The following SMAD2 variants were observed in gnomAD, a reference collection of about 807,000 sequenced individuals.
The protein encoded by SMAD2 is MAD homolog 2.
In SMAD2, 8 loss-of-function variants were observed where a neutral mutation model predicts 64.4. The ratio of observed to expected loss-of-function variants is 0.12; its 90% CI spans 0.07 to 0.22. SMAD2 has a LOEUF of 0.22. SMAD2 is among the 10% of genes least tolerant of loss of function. The pLI, the probability that SMAD2 is intolerant of heterozygous loss-of-function variation, is 1.00. For synonymous variants in SMAD2, 203 were observed against 195.8 expected (o/e 1.04, Z -0.31); for missense variants, 289 against 561.2 (o/e 0.51, Z 4.90).
chr18:47,843,925 A>G (rs1914221952), intron 10 of SMAD2, among the ~76,000 whole-genome samples: 1 of 151,926 alleles, frequency 6.6e-6, no homozygotes. Flanking sequence ...CTTCCACTAA[A>G]TTCCTACCAT....
At chr18:47,904,361 C>T (rs894614361) in intron 1 of SMAD2, among the ~76,000 whole-genome samples, 2 of 151,602 alleles carry the variant, frequency 1.3e-5, no homozygotes, top group Non-Finnish European at 1.5e-5. Context: ...ACATGTGCTG[C>T]TGAGTTGGGG....
At position 47,847,700 on chromosome 18, in the gene SMAD2, CAAAA is replaced by C. The variant is rs58794971; in HGVS notation, c.997+771_997+774del. On this transcript the variant is annotated intron_variant, in intron 8 of 10. Transcript: ENST00000262160. The stretch of plus-strand genomic sequence containing the variant: ...ATGAAAAACAACTATATTTCCAAAG[CAAAA>C]AAAAAAAAAAAAAAAAATAGAGTGG... Among the ~76,000 whole-genome samples, 813 of 111,814 alleles carry C rather than the reference CAAAA, an allele frequency of 7.3e-3. 3 individuals carry two copies. The highest frequency in any genetic ancestry group is 0.028 in the African/African-American group (753 of 27,006). 73.4% of individuals were successfully genotyped at this position (111,814 alleles called of 152,430 possible). A position where few individuals can be genotyped will look rare whatever the true frequency, so the allele number is the denominator to read the frequency against.
At position 47,841,542 on chromosome 18, in the gene SMAD2, T is replaced by C. The variant is rs1305654539; in HGVS notation, c.*285A>G. The C allele has an allele frequency of 2.1e-6, 1 of 482,202 alleles. No homozygotes were observed. Among genetic ancestry groups the C allele is most frequent in the African/African-American group, 1.9e-5 (1 of 51,822 alleles). The allele number at this position is 482,202 out of a possible 1,614,324, so 29.9% of individuals were successfully genotyped here. On this transcript the variant is annotated 3_prime_UTR_variant, in exon 11 of 11. Transcript: ENST00000262160. The stretch of plus-strand genomic sequence containing the variant: ...CCTGTACACATAACTACTACTGTTA[T>C]TAATAAACCTTTGGGACACTCAGTT...
intron 1 of SMAD2, among the ~76,000 whole-genome samples, chr18:47,902,250 G>A (rs1362354717): frequency 6.6e-6 from 1 of 152,086 alleles, no homozygotes; most frequent in Non-Finnish European, 1.5e-5. Context: ...CCCCCAGGGT[G>A]CAAAATTTTG....
At chr18:47,873,990 C>T (rs1598812326) in intron 2 of SMAD2, among the ~76,000 whole-genome samples, 1 of 135,368 alleles carries the variant, frequency 7.4e-6, no homozygotes, top group African/African-American at 3.6e-5. Flanking sequence ...AAAACATCAA[C>T]AATGTGACTG....
rs930886336 is a variant in SMAD2, at chr18:47,819,060, C to A, written c.*22767G>T. 1.3e-5 allele frequency: 2 copies of A among 152,172 alleles called. No individual in the cohort carries two copies. Among genetic ancestry groups the A allele is most frequent in the Admixed American group, 6.5e-5 (1 of 15,282 alleles). The allele number at this position is 152,172 out of a possible 1,614,324, so 9.4% of individuals were successfully genotyped here. ...TAAAATCTGGCAGTTGGCCACAAAT[C>A]CCTTAAGGAATTCTATTCATCAAAT... On this transcript the variant is annotated 3_prime_UTR_variant, in exon 11 of 11. Transcript: ENST00000262160.
Position 47,826,634 on chromosome 18 carries a change from TCA to T in SMAD2, c.*15191_*15192del, listed in dbSNP as rs1912765705. ...CTGCTCCAGAGACATCTAGCCGAAA[TCA>T]CTTATCTAATTCATAAACTGTTTAT... On this transcript the variant is annotated 3_prime_UTR_variant, in exon 11 of 11. Coordinates refer to ENST00000262160, the MANE Select transcript of SMAD2 (RefSeq NM_005901.6). The T allele has an allele frequency of 6.6e-6, 1 of 152,218 alleles. No individual in the cohort carries two copies. The highest frequency in any genetic ancestry group is 1.9e-4 in the East Asian group (1 of 5,194). The allele number at this position is 152,218 out of a possible 1,614,324, so 9.4% of individuals were successfully genotyped here. A position where few individuals can be genotyped will look rare whatever the true frequency, so the allele number is the denominator to read the frequency against.
At chr18:47,924,322 T>C (rs966550449) in intron 1 of SMAD2, among the ~76,000 whole-genome samples, 4 of 151,474 alleles carry the variant, frequency 2.6e-5, no homozygotes, top group Admixed American at 6.6e-5. Flanking sequence ...ACAGATAAAG[T>C]ATCTCTAGTC....
rs1912694065 is a variant in SMAD2 at position 47,824,892 on chromosome 18, A to G, written c.*16935T>C. On this transcript the variant is annotated 3_prime_UTR_variant, in exon 11 of 11. Transcript: ENST00000262160. ...TGCTGACTGGCTTACTGCATTTTAG[A>G]TTTTCCTTATGATTTTAGTAGCTTT... The G allele has an allele frequency of 6.6e-6, 1 of 152,128 alleles. No homozygotes were observed. The highest frequency in any genetic ancestry group is 1.5e-5 in the Non-Finnish European group (1 of 68,026). The allele number at this position is 152,128 out of a possible 1,614,324, so 9.4% of individuals were successfully genotyped here. A position where few individuals can be genotyped will look rare whatever the true frequency, so the allele number is the denominator to read the frequency against.
intron 1 of SMAD2, among the ~76,000 whole-genome samples, chr18:47,899,610 T>C (rs1042557559): frequency 2.6e-5 from 4 of 152,138 alleles, no homozygotes; most frequent in African/African-American, 9.7e-5. Context: ...GTGTTGCACA[T>C]AACAATCTGA....
At chr18:47,850,965 T>C (rs1169308280) in intron 7 of SMAD2, among the ~76,000 whole-genome samples, 2 of 142,200 alleles carry the variant, frequency 1.4e-5, no homozygotes, top group East Asian at 4.0e-4. Context: ...ATTAATTACA[T>C]CATAAAATAA....
intron 1 of SMAD2, among the ~76,000 whole-genome samples, chr18:47,909,444 G>A (rs2034033260): frequency 6.6e-6 from 1 of 152,136 alleles, no homozygotes; most frequent in South Asian, 2.1e-4. Flanking sequence ...TCACTGAGGA[G>A]AAAGGGTATC....
At chr18:47,888,650 T>C (rs1265368521) in intron 2 of SMAD2, among the ~76,000 whole-genome samples, 1 of 152,150 alleles carries the variant, frequency 6.6e-6, no homozygotes, top group Non-Finnish European at 1.5e-5. Flanking sequence ...CCCAGCTCAA[T>C]CGCTAATTAG....
At position 47,828,471 on chromosome 18, in the gene SMAD2, G is replaced by A. The variant is rs184325644; in HGVS notation, c.*13356C>T. On this transcript the variant is annotated 3_prime_UTR_variant, in exon 11 of 11. Coordinates refer to ENST00000262160, the MANE Select transcript of SMAD2 (RefSeq NM_005901.6). ...ATTGAGAGCGGGCCATGATGACGAT[G>A]GCGGTTTTGTCGAATAGAAAAGGGG... The A allele has an allele frequency of 3.5e-4, 58 of 167,518 alleles. No homozygotes were observed. In the East Asian group the frequency reaches 0.01, roughly 29 times the overall value. The allele number at this position is 167,518 out of a possible 1,614,324, so 10.4% of individuals were successfully genotyped here. A position where few individuals can be genotyped will look rare whatever the true frequency, so the allele number is the denominator to read the frequency against.
intron 7 of SMAD2, among the ~76,000 whole-genome samples, chr18:47,849,471 T>G (rs1914870635): frequency 8.9e-6 from 1 of 112,574 alleles, no homozygotes; most frequent in South Asian, 3.4e-4. Context: ...ATAATAATAG[T>G]AATACAGAAA....
At chr18:47,862,401 T>C (rs2031253704) in intron 6 of SMAD2, among the ~76,000 whole-genome samples, 1 of 152,206 alleles carries the variant, frequency 6.6e-6, no homozygotes, top group Non-Finnish European at 1.5e-5. Context: ...AGCCATGCTC[T>C]CTCAAAGGCT....
chr18:47,923,053 TTA>T (rs904946633), intron 1 of SMAD2, among the ~76,000 whole-genome samples: 2 of 90,694 alleles, frequency 2.2e-5, no homozygotes, highest in African/African-American at 6.1e-5. Flanking sequence ...AAGAGACTAC[TTA>T]TTTTTTTTTT....
At chr18:47,864,995 A>C in intron 6 of SMAD2, 64 bp downstream of exon 6, 1 of 956,994 alleles carries the variant, frequency 1.0e-6, no homozygotes, top group South Asian at 1.3e-5. Flanking sequence ...TCTTTTGTGA[A>C]TTTCAAACAA....
chr18:47,848,501 G>A lies in SMAD2; in HGVS notation c.971C>T (p.Thr324Met), dbSNP rs561086683. 7.3e-5 allele frequency: 117 copies of A among 1,613,226 alleles called. No individual in the cohort carries two copies. Among genetic ancestry groups the A allele is most frequent in the Non-Finnish European group, 8.6e-5 (102 of 1,179,312 alleles). The change falls in exon 8 of 11, where the codon ACG becomes ATG. Residue 324 changes from threonine (T) to methionine (M), a missense_variant. By Grantham distance (81) the Thr-to-Met change is moderately conservative. Around this residue, in one of 6 missense-constraint regions of SMAD2, gnomAD observed 49 missense variants for 101.1 expected, o/e 0.48. Coordinates refer to ENST00000262160, the MANE Select transcript of SMAD2 (RefSeq NM_005901.6). The part of the protein sequence containing the change: ...GLLSNVNRNA[T>M]VEMTRRHIGR... ...TATATGCCTTCTTGTCATTTCTACC[G>A]TGGCATTTCGGTTAACATTGGAGAG...
Sources: gnomAD v4.1 joint callset for allele counts (sites outside exome capture counted in the v4.1 genomes callset) on GRCh38, gnomAD v4.1.1 for gene constraint, gnomAD v4.1.1 regional missense constraint, MANE v1.5 for transcripts, NCBI Gene and HGNC (gene_info 2026-07-23, HGNC 2026-07-21) for gene names.